The following SPPL2A variants were observed in gnomAD, a reference collection of about 807,000 sequenced individuals.
The protein encoded by SPPL2A is signal peptide peptidase like 2A.
Under a neutral mutation model 63.8 loss-of-function variants are expected in SPPL2A, and 51 were observed. The observed-to-expected ratio is 0.80, with a 90% confidence interval of 0.64 to 1.01. The LOEUF (loss-of-function observed/expected upper bound fraction) is 1.01, where lower values mean the gene tolerates loss of function less well. Ranked by LOEUF, SPPL2A falls within the 50% of genes least tolerant of loss-of-function variation. The probability of loss-of-function intolerance (pLI) is 0.00; values close to 1 mark genes in which losing one functional copy is unlikely to be tolerated. For missense variants in SPPL2A, 553 were observed against 622.7 expected (o/e 0.89, Z 1.19); for synonymous variants, 188 against 205.8 (o/e 0.91, Z 0.74).
Position 50,708,657 on chromosome 15 carries a change from G to C in SPPL2A, c.1489-783C>G, listed in dbSNP as rs547945866. 3.8e-3 allele frequency among the ~76,000 whole-genome samples: 567 copies of C among 147,896 alleles called. 3 individuals carry two copies. The highest frequency in any genetic ancestry group is 0.031 in the South Asian group (146 of 4,662). On this transcript the variant is annotated intron_variant, in intron 14 of 14. Coordinates refer to ENST00000261854, the MANE Select transcript of SPPL2A (RefSeq NM_032802.4). ...GGAGGCGGAGGTTGCAGTGAGCCGA[G>C]ATCACGCCACTGCACTCTAGCCTGG...
At chr15:50,740,800 G>A (rs950657934) in intron 5 of SPPL2A, among the ~76,000 whole-genome samples, 12 of 152,102 alleles carry the variant, frequency 7.9e-5, no homozygotes, top group African/African-American at 2.4e-4. Context: ...TAGTAGAGAC[G>A]GGGTTTCACC....
intron 1 of SPPL2A, 31 bp from the exon 2 acceptor site, chr15:50,749,777 C>G: frequency 7.5e-7 from 1 of 1,331,948 alleles, no homozygotes; most frequent in East Asian, 2.3e-5. Context: ...TTCAAACTTG[C>G]AATGTTATGG....
In SPPL2A at chr15:50,707,794, A is replaced by G. The variant is rs780701484; in HGVS notation, c.*6T>C. ...CAATGACACATTATAGCAGTTCCAC[A>G]TAATATTATTGCTGGACAATCTGTT... On this transcript the variant is annotated 3_prime_UTR_variant, in exon 15 of 15. Coordinates refer to ENST00000261854, the MANE Select transcript of SPPL2A (RefSeq NM_032802.4). The G allele has an allele frequency of 2.1e-6, 3 of 1,457,688 alleles. No homozygotes were observed. The highest frequency in any genetic ancestry group is 2.3e-5 in the South Asian group (2 of 87,308). The allele number at this position is 1,457,688 out of a possible 1,614,324, so 90.3% of individuals were successfully genotyped here.
At chr15:50,749,509 A>G (rs893625233) in intron 2 of SPPL2A, 127 bp downstream of exon 2, 3 of 659,558 alleles carry the variant, frequency 4.5e-6, no homozygotes, top group East Asian at 2.6e-5. Flanking sequence ...GATGGTCTTG[A>G]TCTCCTGACC....
intron 14 of SPPL2A, among the ~76,000 whole-genome samples, chr15:50,714,664 G>A (rs950233737): frequency 9.7e-5 from 14 of 144,738 alleles, no homozygotes; most frequent in East Asian, 8.4e-4. Context: ...TTTCTTGGCC[G>A]GGCACGGTGG....
intron 5 of SPPL2A, among the ~76,000 whole-genome samples, chr15:50,741,565 A>G (rs1041092312): frequency 3.3e-5 from 5 of 151,974 alleles, no homozygotes; most frequent in African/African-American, 1.2e-4. Flanking sequence ...GTCATAGTAT[A>G]CATATGAGCC....
chr15:50,730,772 CAA>C (rs1272348856), intron 10 of SPPL2A, among the ~76,000 whole-genome samples, 191 bp downstream of exon 10: 2 of 152,090 alleles, frequency 1.3e-5, no homozygotes, highest in Non-Finnish European at 2.9e-5. Flanking sequence ...TTATATCAGT[CAA>C]GAGACATTTT....
intron 10 of SPPL2A, among the ~76,000 whole-genome samples, chr15:50,729,730 T>C (rs1029178863): frequency 1.3e-5 from 2 of 152,228 alleles, no homozygotes; most frequent in African/African-American, 4.8e-5. Context: ...TGTTACCTAT[T>C]ACAATTTTAG....
intron 1 of SPPL2A, among the ~76,000 whole-genome samples, chr15:50,757,113 C>T (rs1320934675): frequency 5.0e-5 from 3 of 59,786 alleles, no homozygotes; most frequent in Non-Finnish European, 1.0e-4. Context: ...GACAGAGTCT[C>T]ACTCTGTCGC....
rs559008087 is a variant in SPPL2A, at chr15:50,747,845, A to G, written c.451-217T>C. 1.7e-4 allele frequency among the ~76,000 whole-genome samples: 26 copies of G among 152,318 alleles called. 1 individual carries two copies. Among genetic ancestry groups the G allele is most frequent in the African/African-American group, 6.0e-4 (25 of 41,570 alleles). On this transcript the variant is annotated intron_variant, in intron 4 of 14. Transcript: ENST00000261854. ...TTAAAGTACAGTGTTCTACACAATC[A>G]TATTTTGTTCAGGAACCTAAAGTTA... is the stretch of plus-strand genomic sequence containing the variant.
Position 50,707,319 on chromosome 15 carries a change from G to C in SPPL2A, c.*481C>G, listed in dbSNP as rs150435817. 4 of 152,516 alleles carry C rather than the reference G, an allele frequency of 2.6e-5. No individual in the cohort carries two copies. Among genetic ancestry groups the C allele is most frequent in the Non-Finnish European group, 5.9e-5 (4 of 68,370 alleles). 9.4% of individuals were successfully genotyped at this position (152,516 alleles called of 1,614,324 possible). A position where few individuals can be genotyped will look rare whatever the true frequency, so the allele number is the denominator to read the frequency against. On this transcript the variant is annotated 3_prime_UTR_variant, in exon 15 of 15. Coordinates refer to ENST00000261854, the MANE Select transcript of SPPL2A (RefSeq NM_032802.4). Reference sequence around the variant, plus strand: ...ATTTTTAGTAGAGAGGGGTTTCACCGTGTTAGCCAGGATGGTCTCGATCTC... The same window carrying C: ...ATTTTTAGTAGAGAGGGGTTTCACCCTGTTAGCCAGGATGGTCTCGATCTC...
In SPPL2A at chr15:50,747,643, AAC is replaced by A; in HGVS notation, c.451-17_451-16del. On this transcript the variant is annotated splice_polypyrimidine_tract_variant and intron_variant, in intron 4 of 14. Coordinates refer to ENST00000261854, the MANE Select transcript of SPPL2A (RefSeq NM_032802.4). Reference sequence around the variant, plus strand: ...TCTCCTAGAGTCTGAAAGGCAAAATAACAGTTAAACACAGGAATAACTTTTCT... The same window carrying A: ...TCTCCTAGAGTCTGAAAGGCAAAATAAGTTAAACACAGGAATAACTTTTCT... 1 of 1,584,012 alleles carries A rather than the reference AAC, an allele frequency of 6.3e-7. No individual in the cohort carries two copies. Among genetic ancestry groups the A allele is most frequent in the Non-Finnish European group, 8.6e-7 (1 of 1,160,504 alleles).
intron 1 of SPPL2A, among the ~76,000 whole-genome samples, chr15:50,756,843 T>A (rs555351712): frequency 2.6e-5 from 4 of 152,178 alleles, no homozygotes; most frequent in African/African-American, 9.7e-5. Flanking sequence ...GGACTAGAAC[T>A]GGGCTCTCTA....
Position 50,720,120 on chromosome 15 carries a change from C to A in SPPL2A, c.1328-20G>T. The A allele has an allele frequency of 1.3e-6, 2 of 1,588,412 alleles. No individual in the cohort carries two copies. The highest frequency in any genetic ancestry group is 1.7e-6 in the Non-Finnish European group (2 of 1,170,258). ...CATAGGCTGCAAGAAGAATACCAAG[C>A]TATAAGTCATTTCTACATGTTACCA... is the stretch of plus-strand genomic sequence containing the variant. On this transcript the variant is annotated intron_variant, in intron 13 of 14. Transcript: ENST00000261854.
chr15:50,736,681 C>T lies in SPPL2A; in HGVS notation c.793G>A (p.Ala265Thr). ...TATGGTATCTTATGAATTAGTGCAG[C>T]AAGACAGTTGTACAGACTCATTGCT... The part of the protein sequence containing the change: ...ASAMSLYNCL[A>T]ALIHKIPYGQ... Residue 265 changes from alanine to threonine, a missense_variant, in exon 7 of 15, where the codon GCT (alanine) becomes ACT (threonine). By Grantham distance (58) the Ala-to-Thr change is moderately conservative. Transcript: ENST00000261854. 1 of 1,609,882 alleles carries T rather than the reference C, an allele frequency of 6.2e-7. No individual in the cohort carries two copies. Among genetic ancestry groups the T allele is most frequent in the East Asian group, 2.2e-5 (1 of 44,762 alleles).
intron 1 of SPPL2A, among the ~76,000 whole-genome samples, chr15:50,752,379 C>T (rs1357135137): frequency 6.6e-6 from 1 of 150,738 alleles, no homozygotes. Context: ...GTCAGGAGTT[C>T]GAGATCAGCA....
Position 50,707,684 on chromosome 15 carries a change from A to G in SPPL2A, c.*116T>C, listed in dbSNP as rs1247914158. 1 of 622,820 alleles carries G rather than the reference A, an allele frequency of 1.6e-6. No homozygotes were observed. Among genetic ancestry groups the G allele is most frequent in the Non-Finnish European group, 2.9e-6 (1 of 346,552 alleles). 38.6% of individuals were successfully genotyped at this position (622,820 alleles called of 1,614,324 possible). ...TGTCAGTACCAGCTCATAAAAATAT[A>G]TTTTTGCAAGCATATCATTGAAGAC... On this transcript the variant is annotated 3_prime_UTR_variant, in exon 15 of 15. Transcript: ENST00000261854.
At chr15:50,740,427 CAAAAAAA>C (rs34361362) in intron 5 of SPPL2A, among the ~76,000 whole-genome samples, 2 of 60,098 alleles carry the variant, frequency 3.3e-5, no homozygotes, top group Non-Finnish European at 6.5e-5. Flanking sequence ...AACTCCGTCT[CAAAAAAA>C]AAAAAAAAAA....
chr15:50,712,831 G>A (rs571075250), intron 14 of SPPL2A, among the ~76,000 whole-genome samples: 5 of 151,770 alleles, frequency 3.3e-5, no homozygotes, highest in East Asian at 1.9e-4. Flanking sequence ...GATTACAGGC[G>A]CCTGCCACCA....
Sources: gnomAD v4.1 joint callset for allele counts (sites outside exome capture counted in the v4.1 genomes callset) on GRCh38, gnomAD v4.1.1 for gene constraint, MANE v1.5 for transcripts, NCBI Gene and HGNC (gene_info 2026-07-23, HGNC 2026-07-21) for gene names.